The following ZNF521 variants were observed in gnomAD, a reference collection of about 807,000 sequenced individuals.
ZNF521 encodes the protein LYST-interacting protein 3.
A neutral mutation model predicts 105.5 loss-of-function variants in ZNF521; 14 were observed. That is an observed-to-expected ratio of 0.13 (90% CI 0.09 to 0.21). The LOEUF is 0.21. Among genes scored for constraint, ZNF521 ranks in the 10% least tolerant of loss-of-function variants. ZNF521 has a pLI of 1.00. For missense variants in ZNF521, 1,233 were observed against 1,629.7 expected (o/e 0.76, Z 4.19); for synonymous variants, 635 against 606.0 (o/e 1.05, Z -0.70).
At chr18:25,339,432 TTAAA>T (rs1914077967) in intron 2 of ZNF521, among the ~76,000 whole-genome samples, 1 of 152,234 alleles carries the variant, frequency 6.6e-6, no homozygotes, top group Non-Finnish European at 1.5e-5. Flanking sequence ...GATATCGCTG[TTAAA>T]TAGTCTCATT....
At chr18:25,322,535 C>A (rs1445289680) in intron 2 of ZNF521, among the ~76,000 whole-genome samples, 14 of 107,330 alleles carry the variant, frequency 1.3e-4, no homozygotes, top group South Asian at 3.2e-4. Context: ...GTCTCCAATG[C>A]AAAAAAAAAA....
At chr18:25,221,719 T>C (rs964267479) in intron 4 of ZNF521, among the ~76,000 whole-genome samples, 1 of 152,218 alleles carries the variant, frequency 6.6e-6, no homozygotes, top group African/African-American at 2.4e-5. Context: ...CAAAGACTTA[T>C]ATAATAACAT....
intron 2 of ZNF521, among the ~76,000 whole-genome samples, chr18:25,325,268 T>G (rs529099661): frequency 6.6e-6 from 1 of 152,320 alleles, no homozygotes; most frequent in Non-Finnish European, 1.5e-5. Flanking sequence ...TGTAGGAAGA[T>G]TCTAGAAAGC....
chr18:25,225,705 T>C lies in ZNF521; in HGVS notation c.2213A>G (p.Gln738Arg). 1 of 1,614,186 alleles carries C rather than the reference T, an allele frequency of 6.2e-7. No homozygotes were observed. Among genetic ancestry groups the C allele is most frequent in the Non-Finnish European group, 8.5e-7 (1 of 1,180,028 alleles). The change falls in exon 4 of 8, where the codon CAG becomes CGG. Residue 738 changes from glutamine to arginine, a missense_variant. Gln to Arg is a conservative substitution (Grantham distance 43). Transcript: ENST00000361524. The surrounding 1 kb of genome is among the most constrained non-coding windows in gnomAD (Gnocchi z 5.6). Reference sequence around the variant, plus strand: ...ACTGTGCTTCACAGCCAAGTGGAGCTGAATGGAGACTTTTGAGTCAAAAAC... The same window carrying C: ...ACTGTGCTTCACAGCCAAGTGGAGCCGAATGGAGACTTTTGAGTCAAAAAC... The part of the protein sequence containing the change: ...QEVFDSKVSI[Q>R]LHLAVKHSNE...
At chr18:25,318,427 ATATACT>A (rs528891530) in intron 3 of ZNF521, among the ~76,000 whole-genome samples, 29 of 152,320 alleles carry the variant, frequency 1.9e-4, no homozygotes, top group Admixed American at 1.1e-3. Context: ...TCACCAAATT[ATATACT>A]TATAATTTAT....
chr18:25,210,569 G>A (rs766049763), intron 4 of ZNF521, among the ~76,000 whole-genome samples: 17 of 152,104 alleles, frequency 1.1e-4, no homozygotes, highest in Admixed American at 3.3e-4. Context: ...ACATACTTAC[G>A]AGGTGTCTAA....
In ZNF521 at chr18:25,146,136, C is replaced by T. The variant is rs796162038; in HGVS notation, c.3658+49024G>A. On this transcript the variant is annotated intron_variant, in intron 5 of 7. Transcript: ENST00000361524. ...GTCTTTGCAAGGTTGTGTCACTTGC[C>T]CCATGTCACACAGCTAGCAAGTGCA... is the stretch of plus-strand genomic sequence containing the variant. Among the ~76,000 whole-genome samples, 6 of 152,162 alleles carry T rather than the reference C, an allele frequency of 3.9e-5. 1 individual carries two copies. The highest frequency in any genetic ancestry group is 1.4e-4 in the African/African-American group (6 of 41,506).
chr18:25,112,125 CCT>C (rs1381758699), intron 5 of ZNF521, among the ~76,000 whole-genome samples: 1 of 152,158 alleles, frequency 6.6e-6, no homozygotes, highest in Non-Finnish European at 1.5e-5. Context: ...ACTCTCCTGT[CCT>C]CTTCAGAAAA....
chr18:25,203,786 T>G (rs2036032633), intron 4 of ZNF521, among the ~76,000 whole-genome samples: 1 of 152,172 alleles, frequency 6.6e-6, no homozygotes, highest in South Asian at 2.1e-4. Context: ...AGTTGCAATT[T>G]TTATAGTACC....
rs533074013 is a variant in ZNF521, at chr18:25,121,191, A to G, written c.3659-29110T>C. Among the ~76,000 whole-genome samples the G allele has an allele frequency of 2.5e-4, 35 of 138,904 alleles. No individual in the cohort carries two copies. The South Asian group carries it at 7.6e-3, about 30-fold the overall frequency. 91.1% of individuals were successfully genotyped at this position (138,904 alleles called of 152,430 possible). A position where few individuals can be genotyped will look rare whatever the true frequency, so the allele number is the denominator to read the frequency against. On this transcript the variant is annotated intron_variant, in intron 5 of 7. Coordinates refer to ENST00000361524, the MANE Select transcript of ZNF521 (RefSeq NM_015461.3). ...CAGTGGTGCCATCTCGGCTCACTGCAAACTCCGCCTCCCAGGTTCACGCCA... is the reference window on the plus strand; with the variant it reads ...CAGTGGTGCCATCTCGGCTCACTGCGAACTCCGCCTCCCAGGTTCACGCCA...
At chr18:25,249,965 G>A (rs901300781) in intron 3 of ZNF521, among the ~76,000 whole-genome samples, 1 of 152,102 alleles carries the variant, frequency 6.6e-6, no homozygotes. Flanking sequence ...TTGAGACCAA[G>A]TCTCGCTCTG....
chr18:25,275,505 G>T (rs1393710977), intron 3 of ZNF521, among the ~76,000 whole-genome samples: 1 of 152,150 alleles, frequency 6.6e-6, no homozygotes, highest in African/African-American at 2.4e-5. Flanking sequence ...TGTGTAGCAC[G>T]CCTACCCATT....
chr18:25,206,849 A>G (rs1191395344), intron 4 of ZNF521, among the ~76,000 whole-genome samples: 1 of 152,082 alleles, frequency 6.6e-6, no homozygotes, highest in East Asian at 1.9e-4. Flanking sequence ...ACACCCACAC[A>G]ATGCTGTGGG....
chr18:25,072,845 C>G (rs1228948144), intron 7 of ZNF521, among the ~76,000 whole-genome samples: 3 of 152,124 alleles, frequency 2.0e-5, no homozygotes, highest in African/African-American at 7.2e-5. Context: ...CAGATGTGTC[C>G]ATGTGCCAGT....
intron 5 of ZNF521, among the ~76,000 whole-genome samples, chr18:25,163,923 G>A (rs2035292554): frequency 6.6e-6 from 1 of 152,174 alleles, no homozygotes; most frequent in Non-Finnish European, 1.5e-5. Context: ...ATAAATGATA[G>A]GAAGGTCCCA....
At chr18:25,103,829 A>C (rs1035246397) in intron 5 of ZNF521, among the ~76,000 whole-genome samples, 1 of 151,520 alleles carries the variant, frequency 6.6e-6, no homozygotes, top group African/African-American at 2.4e-5. Context: ...GAAATAAGGA[A>C]GGGAGGGAGG....
At chr18:25,311,619 T>C (rs1335124138) in intron 3 of ZNF521, among the ~76,000 whole-genome samples, 1 of 152,126 alleles carries the variant, frequency 6.6e-6, no homozygotes, top group Non-Finnish European at 1.5e-5. Flanking sequence ...AATAGAGCCC[T>C]TCATTTATAA....
intron 7 of ZNF521, among the ~76,000 whole-genome samples, chr18:25,087,713 G>GT (rs1304926442): frequency 1.3e-5 from 2 of 151,974 alleles, no homozygotes; most frequent in Non-Finnish European, 2.9e-5. Flanking sequence ...TTAATAAGAT[G>GT]TATTTTTAAA....
chr18:25,334,051 A>T (rs1029129161), intron 2 of ZNF521, among the ~76,000 whole-genome samples: 2 of 152,208 alleles, frequency 1.3e-5, no homozygotes, highest in African/African-American at 4.8e-5. Flanking sequence ...TTTCACCAGC[A>T]ATGAAGAAAA....
Sources: gnomAD v4.1 joint callset for allele counts (sites outside exome capture counted in the v4.1 genomes callset) on GRCh38, gnomAD v4.1.1 for gene constraint, Gnocchi (gnomAD v3.1) non-coding constraint, MANE v1.5 for transcripts, NCBI Gene and HGNC (gene_info 2026-07-23, HGNC 2026-07-21) for gene names.